The following LDLRAD4 variants were observed in gnomAD, a reference collection of about 807,000 sequenced individuals.
The protein encoded by LDLRAD4 is low density lipoprotein receptor class A domain containing 4.
In LDLRAD4, 5 loss-of-function variants were observed where a neutral mutation model predicts 17.0. The ratio of observed to expected loss-of-function variants is 0.29; its 90% confidence interval spans 0.15 to 0.62. The LOEUF is 0.62. Among genes scored for constraint, LDLRAD4 ranks in the 20% least tolerant of loss-of-function variants. The pLI, the probability that LDLRAD4 is intolerant of heterozygous loss-of-function variation, is 0.84. For synonymous variants in LDLRAD4, 168 were observed against 171.8 expected (o/e 0.98, Z 0.17); for missense variants, 340 against 424.7 (o/e 0.80, Z 1.75).
chr18:13,271,464 G>A (rs1355819802), intron 1 of LDLRAD4, among the ~76,000 whole-genome samples: 2 of 152,194 alleles, frequency 1.3e-5, no homozygotes, highest in East Asian at 3.8e-4. Context: ...AGTTCACGAG[G>A]TCTTTTTGAG....
chr18:13,583,789 C>T (rs913328342), intron 3 of LDLRAD4, among the ~76,000 whole-genome samples: 3 of 152,064 alleles, frequency 2.0e-5, no homozygotes, highest in East Asian at 1.9e-4. Flanking sequence ...CCACTGCTGG[C>T]GGAGTCTTAT....
At chr18:13,239,837 C>G (rs2042539210) in intron 1 of LDLRAD4, 2 of 152,294 alleles carry the variant, frequency 1.3e-5, no homozygotes, top group Non-Finnish European at 2.9e-5. Flanking sequence ...GCAGGCTGTA[C>G]CAGCCATGAG....
chr18:13,561,406 CT>C (rs2148212986), intron 3 of LDLRAD4: 1 of 152,302 alleles, frequency 6.6e-6, no homozygotes, highest in Admixed American at 6.5e-5. Flanking sequence ...TCCTTAAGAT[CT>C]TGCCCTTGTA....
intron 3 of LDLRAD4, among the ~76,000 whole-genome samples, chr18:13,593,559 A>G (rs550551280): frequency 1.2e-4 from 18 of 151,026 alleles, no homozygotes; most frequent in African/African-American, 2.7e-4. Context: ...TTATCTATCT[A>G]TCTGTCTGTC....
chr18:13,356,396 A>T (rs2083345983), intron 1 of LDLRAD4, among the ~76,000 whole-genome samples: 1 of 152,246 alleles, frequency 6.6e-6, no homozygotes, highest in Non-Finnish European at 1.5e-5. Flanking sequence ...AGTGTAGCTT[A>T]TTTGAGAAAA....
chr18:13,226,521 A>T (rs1042839601), intron 1 of LDLRAD4, among the ~76,000 whole-genome samples: 1 of 152,010 alleles, frequency 6.6e-6, no homozygotes, highest in Non-Finnish European at 1.5e-5. Flanking sequence ...ATTTGGCAGT[A>T]AATGATATGG....
At chr18:13,383,010 C>T (rs1271040672) in intron 1 of LDLRAD4, among the ~76,000 whole-genome samples, 1 of 152,210 alleles carries the variant, frequency 6.6e-6, no homozygotes, top group Non-Finnish European at 1.5e-5. Flanking sequence ...GCAGCAGGCT[C>T]ACCACTTGTA....
chr18:13,341,650 T>TAGAA lies in LDLRAD4; in HGVS notation c.-382-45691_-382-45690insAGAA, dbSNP rs2082380913. Among the ~76,000 whole-genome samples, 4 of 152,306 alleles carry TAGAA rather than the reference T, an allele frequency of 2.6e-5. No individual in the cohort carries two copies. The South Asian group carries it at 8.3e-4, about 32-fold the overall frequency. ...TTTTAAAAAAGGGAATCTTTAGGGCTTTCTACATATAAGATCATGACATCT... is the reference window on the plus strand; with the variant it reads ...TTTTAAAAAAGGGAATCTTTAGGGCTAGAATTCTACATATAAGATCATGACATCT... On this transcript the variant is annotated intron_variant, in intron 1 of 5. Coordinates refer to ENST00000359446, the Ensembl canonical transcript of LDLRAD4.
intron 1 of LDLRAD4, among the ~76,000 whole-genome samples, chr18:13,286,568 T>C (rs1270518877): frequency 6.6e-6 from 1 of 152,208 alleles, no homozygotes; most frequent in Non-Finnish European, 1.5e-5. Context: ...AGATGAGGTC[T>C]CACTATGTTG....
intron 3 of LDLRAD4, among the ~76,000 whole-genome samples, chr18:13,511,723 C>T (rs57670234): frequency 0.016 from 2,490 of 152,226 alleles, 78 homozygotes; most frequent in African/African-American, 0.058. Context: ...AAGGCGGGGA[C>T]ATGGGTACAG....
At chr18:13,601,837 T>C (rs2095166947) in intron 3 of LDLRAD4, among the ~76,000 whole-genome samples, 1 of 152,038 alleles carries the variant, frequency 6.6e-6, no homozygotes. Context: ...AATAAATCAG[T>C]CTACCAAAAA....
intron 1 of LDLRAD4, among the ~76,000 whole-genome samples, chr18:13,256,206 G>C (rs569378774): frequency 6.6e-6 from 1 of 152,294 alleles, no homozygotes; most frequent in African/African-American, 2.4e-5. Context: ...TATGTTGGCA[G>C]GACTCAGATC....
At chr18:13,325,931 A>AT (rs938392473) in intron 1 of LDLRAD4, among the ~76,000 whole-genome samples, 2 of 150,642 alleles carry the variant, frequency 1.3e-5, no homozygotes, top group Non-Finnish European at 3.0e-5. Context: ...CGCGGAGCTA[A>AT]TTTTTTTTTG....
chr18:13,246,797 A>G (rs933504029), intron 1 of LDLRAD4, among the ~76,000 whole-genome samples: 4 of 152,236 alleles, frequency 2.6e-5, no homozygotes, highest in African/African-American at 9.6e-5. Flanking sequence ...CATTAGTCAC[A>G]CTAGAAAGGA....
intron 3 of LDLRAD4, among the ~76,000 whole-genome samples, chr18:13,566,331 G>A (rs1460015008): frequency 6.7e-6 from 1 of 149,500 alleles, no homozygotes; most frequent in Non-Finnish European, 1.5e-5. Flanking sequence ...ACGGGCATGA[G>A]TTTTCTTATA....
intron 1 of LDLRAD4, among the ~76,000 whole-genome samples, chr18:13,351,733 A>G (rs1229086800): frequency 1.3e-5 from 2 of 152,176 alleles, no homozygotes; most frequent in Non-Finnish European, 2.9e-5. Flanking sequence ...TAACAATTGA[A>G]AAGAAGGGAC....
At chr18:13,272,915 T>C (rs2044647165) in intron 1 of LDLRAD4, among the ~76,000 whole-genome samples, 1 of 152,244 alleles carries the variant, frequency 6.6e-6, no homozygotes, top group South Asian at 2.1e-4. Context: ...GGTCAGTCTG[T>C]CTTGGCTTCA....
chr18:13,336,447 A>G (rs1335976503), intron 1 of LDLRAD4, among the ~76,000 whole-genome samples: 1 of 151,834 alleles, frequency 6.6e-6, no homozygotes, highest in African/African-American at 2.4e-5. Context: ...GTTTCATTCT[A>G]TTGCTTGTTT....
intron 3 of LDLRAD4, among the ~76,000 whole-genome samples, chr18:13,457,612 C>T (rs182729486): frequency 9.2e-5 from 14 of 152,276 alleles, no homozygotes; most frequent in African/African-American, 1.4e-4. Context: ...CTGACGCACC[C>T]GACCTTCTAA....
Sources: allele counts gnomAD v4.1 joint callset (sites outside exome capture counted in the v4.1 genomes callset), GRCh38; gene constraint gnomAD v4.1.1; transcripts MANE v1.5; gene names NCBI Gene and HGNC (gene_info 2026-07-23, HGNC 2026-07-21).